The following CNTNAP5 variants were observed in gnomAD, a reference collection of about 807,000 sequenced individuals.
CNTNAP5 encodes the protein contactin-associated protein-like 5.
CNTNAP5 carries 72 observed loss-of-function variants against 150.2 expected under a neutral mutation model. That is an observed-to-expected ratio of 0.48 (90% CI 0.40 to 0.58). The LOEUF (loss-of-function observed/expected upper bound fraction) is 0.58. Among genes scored for constraint, CNTNAP5 ranks in the 20% least tolerant of loss-of-function variants. CNTNAP5 has a pLI of 0.00. For missense variants in CNTNAP5, 1,636 were observed against 1,626.2 expected (o/e 1.01, Z -0.10); for synonymous variants, 672 against 619.8 (o/e 1.08, Z -1.25).
At chr2:124,109,240 C>T (rs552622703) in intron 1 of CNTNAP5, among the ~76,000 whole-genome samples, 8 of 152,110 alleles carry the variant, frequency 5.3e-5, no homozygotes, top group Non-Finnish European at 1.2e-4. Context: ...GGCCTCAAAC[C>T]CTTGCCTCAC....
chr2:124,617,053 G>A (rs1677507993), intron 12 of CNTNAP5, among the ~76,000 whole-genome samples: 2 of 151,792 alleles, frequency 1.3e-5, no homozygotes, highest in South Asian at 2.1e-4. Context: ...AGGCTCTAAG[G>A]ATATAACAAT....
At chr2:124,894,029 A>G (rs1192191350) in intron 21 of CNTNAP5, among the ~76,000 whole-genome samples, 1 of 152,164 alleles carries the variant, frequency 6.6e-6, no homozygotes. Context: ...TTTATTACAT[A>G]TGTGTTAAAA....
At chr2:124,857,120 G>T (rs1187683362) in intron 19 of CNTNAP5, among the ~76,000 whole-genome samples, 2 of 152,076 alleles carry the variant, frequency 1.3e-5, no homozygotes, top group Non-Finnish European at 2.9e-5. Context: ...ATGAAGTTGT[G>T]GGGTGGAGAT....
chr2:124,842,683 T>G (rs1458000285), intron 19 of CNTNAP5, among the ~76,000 whole-genome samples: 2 of 152,174 alleles, frequency 1.3e-5, no homozygotes, highest in Non-Finnish European at 2.9e-5. Context: ...GTGCTTAGAA[T>G]AGAGCTGAAT....
intron 3 of CNTNAP5, among the ~76,000 whole-genome samples, chr2:124,416,454 A>G (rs2553619): frequency 0.98 from 148,812 of 152,146 alleles, 72,860 homozygotes; most frequent in East Asian, 1. Context: ...GAAGTACAAT[A>G]TTAGTAGACC....
At chr2:124,393,486 A>G (rs1303304526) in intron 3 of CNTNAP5, among the ~76,000 whole-genome samples, 1 of 152,160 alleles carries the variant, frequency 6.6e-6, no homozygotes, top group Non-Finnish European at 1.5e-5. Context: ...GATAGGTCAA[A>G]GCAAATTACA....
chr2:124,321,089 G>A (rs1375138350), intron 3 of CNTNAP5, among the ~76,000 whole-genome samples: 2 of 152,170 alleles, frequency 1.3e-5, no homozygotes, highest in East Asian at 3.9e-4. Context: ...ATGAGCTGAA[G>A]GAAACAAGCT....
At chr2:124,659,046 A>G (rs923371355) in intron 13 of CNTNAP5, among the ~76,000 whole-genome samples, 1 of 152,186 alleles carries the variant, frequency 6.6e-6, no homozygotes, top group African/African-American at 2.4e-5. Flanking sequence ...GTGACCTTAG[A>G]TGAGGTACTC....
At chr2:124,614,979 A>G (rs1429476654) in intron 12 of CNTNAP5, among the ~76,000 whole-genome samples, 2 of 5,512 alleles carry the variant, frequency 3.6e-4, no homozygotes, top group Non-Finnish European at 4.9e-3. Flanking sequence ...CAATAGCATT[A>G]TATCAAAAAA....
chr2:124,499,921 A>T (rs1053528925), intron 7 of CNTNAP5, among the ~76,000 whole-genome samples: 3 of 152,236 alleles, frequency 2.0e-5, no homozygotes, highest in Non-Finnish European at 2.9e-5. Flanking sequence ...AGAGTCTGGG[A>T]AGTCTCATGA....
chr2:124,554,088 G>T (rs1558951375), intron 10 of CNTNAP5, among the ~76,000 whole-genome samples: 1 of 151,254 alleles, frequency 6.6e-6, no homozygotes, highest in Non-Finnish European at 1.5e-5. Context: ...TGTTCTTTAA[G>T]TTTTTTTTTC....
Position 124,865,303 on chromosome 2 carries a change from A to G in CNTNAP5, c.3218-3A>G. 6 of 1,555,742 alleles carry G rather than the reference A, an allele frequency of 3.9e-6. No individual in the cohort carries two copies. Among genetic ancestry groups the G allele is most frequent in the Non-Finnish European group, 5.2e-6 (6 of 1,148,702 alleles). On this transcript the variant is annotated splice_region_variant and splice_polypyrimidine_tract_variant and intron_variant, in intron 19 of 23. Transcript: ENST00000682447. Reference sequence around the variant, plus strand: ...TTCTAATTTCTAATATTTTTCTTTCAAGGAAGCTTACAGGTTCGCTATCAC... The same window carrying G: ...TTCTAATTTCTAATATTTTTCTTTCGAGGAAGCTTACAGGTTCGCTATCAC...
intron 7 of CNTNAP5, among the ~76,000 whole-genome samples, chr2:124,490,425 AG>A (rs1202466687): frequency 1.3e-5 from 2 of 151,940 alleles, no homozygotes; most frequent in African/African-American, 4.8e-5. Context: ...AAGGAAAGAA[AG>A]AAAGAAAGAA....
intron 1 of CNTNAP5, among the ~76,000 whole-genome samples, chr2:124,210,785 T>G (rs1356933672): frequency 2.6e-5 from 4 of 152,208 alleles, no homozygotes; most frequent in African/African-American, 9.6e-5. Flanking sequence ...AGTGCAGAAT[T>G]TCCTTCTTTT....
intron 13 of CNTNAP5, among the ~76,000 whole-genome samples, chr2:124,666,320 A>T (rs1331045642): frequency 6.6e-6 from 1 of 152,184 alleles, no homozygotes; most frequent in Non-Finnish European, 1.5e-5. Context: ...AAAAATTTGG[A>T]GTCAGCAGAA....
At chr2:124,027,215 T>G (rs1680915304) in intron 1 of CNTNAP5, among the ~76,000 whole-genome samples, 1 of 152,242 alleles carries the variant, frequency 6.6e-6, no homozygotes, top group Admixed American at 6.5e-5. Flanking sequence ...TTTCTTCTTC[T>G]GTGGAATTGT....
At chr2:124,038,625 G>T (rs1681284381) in intron 1 of CNTNAP5, among the ~76,000 whole-genome samples, 1 of 152,150 alleles carries the variant, frequency 6.6e-6, no homozygotes, top group Admixed American at 6.5e-5. Flanking sequence ...AGAACTTTTG[G>T]TTTACTAAAT....
intron 8 of CNTNAP5, among the ~76,000 whole-genome samples, chr2:124,514,863 A>G (rs1558935421): frequency 6.6e-6 from 1 of 152,236 alleles, no homozygotes. Flanking sequence ...AAGATGAAGC[A>G]GAGTTTTGGT....
At chr2:124,713,652 A>C (rs1324596672) in intron 13 of CNTNAP5, among the ~76,000 whole-genome samples, 1 of 152,016 alleles carries the variant, frequency 6.6e-6, no homozygotes, top group Admixed American at 6.6e-5. Flanking sequence ...CTGGGATTAC[A>C]GGCGTGAGCC....
Sources: allele counts gnomAD v4.1 joint callset (sites outside exome capture counted in the v4.1 genomes callset), GRCh38; gene constraint gnomAD v4.1.1; transcripts MANE v1.5; gene names NCBI Gene and HGNC (gene_info 2026-07-23, HGNC 2026-07-21).